The following TBC1D19 variants were observed in gnomAD, a reference collection of about 807,000 sequenced individuals.
TBC1D19 encodes TBC1 domain family, member 19.
TBC1D19 carries 60 observed loss-of-function variants against 89.0 expected under a neutral mutation model. That is an observed-to-expected ratio of 0.67 (90% CI 0.55 to 0.84). The LOEUF (loss-of-function observed/expected upper bound fraction) is 0.84. TBC1D19 is among the 40% of genes least tolerant of loss of function. TBC1D19 has a pLI of 0.00. For synonymous variants in TBC1D19, 189 were observed against 199.7 expected (o/e 0.95, Z 0.45); for missense variants, 500 against 610.8 (o/e 0.82, Z 1.91).
the TBC1D19 span, among the ~76,000 whole-genome samples, chr4:26,769,872 A>C: frequency 6.6e-6 from 1 of 152,160 alleles, no homozygotes; most frequent in Non-Finnish European, 1.5e-5. Flanking sequence ...CTATATATAC[A>C]TGAAATGATA....
intron 1 of TBC1D19, among the ~76,000 whole-genome samples, chr4:26,597,442 C>A (rs749565624): frequency 6.6e-6 from 1 of 151,734 alleles, no homozygotes; most frequent in Non-Finnish European, 1.5e-5. Flanking sequence ...TTTATTTTCA[C>A]CTTCTTTGTG....
At position 26,714,338 on chromosome 4, in the gene TBC1D19, G is replaced by T. The variant is rs556726498; in HGVS notation, c.955-3595G>T. On this transcript the variant is annotated intron_variant, in intron 13 of 20. Coordinates refer to ENST00000264866, the MANE Select transcript of TBC1D19 (RefSeq NM_018317.4). Reference sequence around the variant, plus strand: ...AGGTTAGTTACATATGTATACATGTGCCATGTTGTTTTAAGAAGCAGGTAC... The same window carrying T: ...AGGTTAGTTACATATGTATACATGTTCCATGTTGTTTTAAGAAGCAGGTAC... Among the ~76,000 whole-genome samples, 8 of 152,062 alleles carry T rather than the reference G, an allele frequency of 5.3e-5. No individual in the cohort carries two copies. The East Asian group carries it at 1.5e-3, about 29-fold the overall frequency.
At chr4:26,655,615 C>T (rs1744743788) in intron 7 of TBC1D19, among the ~76,000 whole-genome samples, 1 of 152,198 alleles carries the variant, frequency 6.6e-6, no homozygotes, top group Non-Finnish European at 1.5e-5. Flanking sequence ...GCAGTTTGAT[C>T]TCAGACTGCT....
chr4:26,701,695 T>C (rs1209623964), intron 13 of TBC1D19, among the ~76,000 whole-genome samples: 3 of 152,208 alleles, frequency 2.0e-5, no homozygotes, highest in African/African-American at 7.2e-5. Context: ...AATGAATCCT[T>C]TTTTATGAAC....
the TBC1D19 span, among the ~76,000 whole-genome samples, chr4:26,770,026 A>C: frequency 0.013 from 1,924 of 152,142 alleles, 33 homozygotes; most frequent in African/African-American, 0.043. Context: ...ATGGTGTAAA[A>C]GGAATAAAAA....
chr4:26,709,525 C>A (rs1715997065), intron 13 of TBC1D19, among the ~76,000 whole-genome samples: 2 of 152,014 alleles, frequency 1.3e-5, no homozygotes, highest in South Asian at 4.1e-4. Context: ...AGTACAGATA[C>A]CAGACATTTG....
intron 17 of TBC1D19, among the ~76,000 whole-genome samples, chr4:26,741,654 TA>T (rs1310511265): frequency 6.7e-6 from 1 of 148,752 alleles, no homozygotes; most frequent in African/African-American, 2.5e-5. Flanking sequence ...TTCAGAGGAG[TA>T]AAAACTTACG....
chr4:26,621,889 T>C (rs1241293633), intron 4 of TBC1D19, among the ~76,000 whole-genome samples: 1 of 152,072 alleles, frequency 6.6e-6, no homozygotes, highest in Non-Finnish European at 1.5e-5. Context: ...GTGGCACATA[T>C]ACACCATGGA....
At chr4:26,828,164 C>A in the TBC1D19 span, among the ~76,000 whole-genome samples, 2 of 152,104 alleles carry the variant, frequency 1.3e-5, no homozygotes, top group African/African-American at 4.8e-5. Flanking sequence ...GTCAGAGGAC[C>A]AACAGGCTGT....
chr4:26,622,167 C>T (rs1399224862), intron 4 of TBC1D19, among the ~76,000 whole-genome samples: 1 of 151,982 alleles, frequency 6.6e-6, no homozygotes, highest in Non-Finnish European at 1.5e-5. Context: ...ATGGGTGCAG[C>T]TCACCAACAT....
At chr4:26,809,983 G>A in the TBC1D19 span, among the ~76,000 whole-genome samples, 1 of 152,318 alleles carries the variant, frequency 6.6e-6, no homozygotes, top group Admixed American at 6.5e-5. Context: ...CAGGGGCCAG[G>A]GCTTCTTCAG....
chr4:26,783,562 T>A, the TBC1D19 span, among the ~76,000 whole-genome samples: 2 of 147,226 alleles, frequency 1.4e-5, no homozygotes, highest in Non-Finnish European at 2.9e-5. Flanking sequence ...AAAAGCACAT[T>A]TTTTAAAAAA....
At chr4:26,851,311 A>ATCTATCTATCTATCTGTCTGTCTG in the TBC1D19 span, among the ~76,000 whole-genome samples, 33 of 114,898 alleles carry the variant, frequency 2.9e-4, no homozygotes, top group African/African-American at 5.3e-4. Context: ...TACCCTATCT[A>ATCTATCTATCTATCTGTCTGTCTG]TCTATCTATC....
chr4:26,782,584 G>A, the TBC1D19 span, among the ~76,000 whole-genome samples: 5 of 152,150 alleles, frequency 3.3e-5, no homozygotes, highest in Non-Finnish European at 7.3e-5. Flanking sequence ...TGTACTTTCT[G>A]TGCTTGAGAG....
At chr4:26,649,411 C>T (rs1744182349) in intron 7 of TBC1D19, among the ~76,000 whole-genome samples, 1 of 152,086 alleles carries the variant, frequency 6.6e-6, no homozygotes. Context: ...AAATATACAA[C>T]TCAAGTGGTT....
At chr4:26,631,261 C>T (rs1742792563) in intron 4 of TBC1D19, among the ~76,000 whole-genome samples, 1 of 151,888 alleles carries the variant, frequency 6.6e-6, no homozygotes, top group Non-Finnish European at 1.5e-5. Context: ...TCTGTTTGCT[C>T]ATTCTTTCAT....
At chr4:26,761,772 A>C in the TBC1D19 span, among the ~76,000 whole-genome samples, 1 of 152,208 alleles carries the variant, frequency 6.6e-6, no homozygotes, top group Non-Finnish European at 1.5e-5. Flanking sequence ...TTATTTCTTG[A>C]ATAAGTTTAA....
At chr4:26,590,796 G>GATTTTTTTTTT (rs1739721844) in intron 1 of TBC1D19, among the ~76,000 whole-genome samples, 1 of 52,958 alleles carries the variant, frequency 1.9e-5, no homozygotes, top group East Asian at 7.4e-4. Context: ...TTGCAGGTCT[G>GATTTTTTTTTT]TTTTTTTTTT....
chr4:26,806,544 T>A, the TBC1D19 span, among the ~76,000 whole-genome samples: 2 of 152,220 alleles, frequency 1.3e-5, no homozygotes, highest in Non-Finnish European at 2.9e-5. Context: ...GTCTTACTCA[T>A]CTTCACATCC....
Sources: gnomAD v4.1 joint callset for allele counts (sites outside exome capture counted in the v4.1 genomes callset) on GRCh38, gnomAD v4.1.1 for gene constraint, MANE v1.5 for transcripts, NCBI Gene and HGNC (gene_info 2026-07-23, HGNC 2026-07-21) for gene names.